KIFC3: variants seen among roughly 807,000 people sequenced by gnomAD.
The protein encoded by KIFC3 is kinesin family member C3, also known as kinesin-like protein KIFC3.
In KIFC3, 60 loss-of-function variants were observed where a neutral mutation model predicts 101.8. The ratio of observed to expected loss-of-function variants is 0.59; its 90% CI spans 0.48 to 0.73. The LOEUF is 0.73. KIFC3 is among the 30% of genes least tolerant of loss of function. The pLI is 0.00. For missense variants in KIFC3, 966 were observed against 1,137.1 expected (o/e 0.85, Z 2.16); for synonymous variants, 476 against 482.7 (o/e 0.99, Z 0.18).
At chr16:57,816,855 G>A (rs1475447358) in intron 1 of KIFC3, 1 of 422,572 alleles carries the variant, frequency 2.4e-6, no homozygotes, top group African/African-American at 2.1e-5. Flanking sequence ...AGGTTGGAGG[G>A]GTCTCCCTGT....
At chr16:57,776,761 G>C (rs1304820733) in intron 3 of KIFC3, 1 of 151,420 alleles carries the variant, frequency 6.6e-6, no homozygotes, top group Non-Finnish European at 1.5e-5. Flanking sequence ...GGTAAGCAGA[G>C]ACAGAAAGGG....
intron 12 of KIFC3, among the ~76,000 whole-genome samples, chr16:57,763,609 TCCA>T (rs1419744891): frequency 1.3e-5 from 2 of 152,062 alleles, no homozygotes; most frequent in Admixed American, 1.3e-4. Flanking sequence ...TGCCACCTGC[TCCA>T]CCACACCTGG....
intron 1 of KIFC3, among the ~76,000 whole-genome samples, chr16:57,827,083 C>A (rs573674768): frequency 1.6e-4 from 25 of 152,354 alleles, no homozygotes; most frequent in African/African-American, 6.0e-4. Flanking sequence ...TGACAAGAGT[C>A]ACTTCAGGAA....
At chr16:57,816,776 C>T (rs1568082199) in intron 1 of KIFC3, 1 of 455,204 alleles carries the variant, frequency 2.2e-6, no homozygotes, top group Non-Finnish European at 4.4e-6. Context: ...CCACCCCTTC[C>T]AGGCAGGAGC....
intron 3 of KIFC3, chr16:57,785,513 G>A: frequency 7.8e-7 from 1 of 1,289,272 alleles, no homozygotes; most frequent in Non-Finnish European, 1.0e-6. Flanking sequence ...GTCGCGGAGG[G>A]CCAGCCTCTC....
chr16:57,810,971 C>T (rs1555627735), intron 1 of KIFC3, among the ~76,000 whole-genome samples: 1 of 152,204 alleles, frequency 6.6e-6, no homozygotes, highest in Admixed American at 6.5e-5. Flanking sequence ...GGGTCTCATG[C>T]CCCTCCCTGG....
intron 1 of KIFC3, among the ~76,000 whole-genome samples, chr16:57,858,752 G>A (rs1263198103): frequency 6.6e-6 from 1 of 152,106 alleles, no homozygotes; most frequent in Admixed American, 6.6e-5. Context: ...GTCAAGACCA[G>A]CCTGGCCAAC....
chr16:57,800,599 A>C (rs1555625182), intron 1 of KIFC3, among the ~76,000 whole-genome samples: 1 of 152,212 alleles, frequency 6.6e-6, no homozygotes, highest in Non-Finnish European at 1.5e-5. Context: ...CAGGGAGATC[A>C]GCTCAGCTCA....
chr16:57,776,791 T>A (rs2052152990), intron 3 of KIFC3: 1 of 151,794 alleles, frequency 6.6e-6, no homozygotes, highest in Admixed American at 6.6e-5. Flanking sequence ...TGGAGCGTGC[T>A]AAAGGATGGT....
intron 1 of KIFC3, 68 bp from the exon 2 acceptor site, chr16:57,798,350 C>G: frequency 7.1e-7 from 1 of 1,410,086 alleles, no homozygotes; most frequent in Non-Finnish European, 9.7e-7. Context: ...TCGGGCAGAG[C>G]CAGCCATCTG....
intron 13 of KIFC3, among the ~76,000 whole-genome samples, 173 bp from the exon 14 acceptor site, chr16:57,761,709 A>C (rs986321008): frequency 1.3e-5 from 2 of 151,948 alleles, no homozygotes; most frequent in African/African-American, 4.8e-5. Context: ...GAAGACGTGG[A>C]GATCTCACTC....
chr16:57,801,067 C>T (rs1555625406), intron 1 of KIFC3, among the ~76,000 whole-genome samples: 1 of 152,246 alleles, frequency 6.6e-6, no homozygotes, highest in African/African-American at 2.4e-5. Flanking sequence ...CAGAACAATA[C>T]TGGCATATAC....
intron 1 of KIFC3, among the ~76,000 whole-genome samples, chr16:57,829,191 A>G (rs1555478777): frequency 6.6e-6 from 1 of 152,226 alleles, no homozygotes; most frequent in Non-Finnish European, 1.5e-5. Flanking sequence ...CTTTATACCA[A>G]TATAGCAGGA....
At chr16:57,792,392 C>T (rs1375578046) in intron 3 of KIFC3, among the ~76,000 whole-genome samples, 1 of 152,216 alleles carries the variant, frequency 6.6e-6, no homozygotes, top group Non-Finnish European at 1.5e-5. Context: ...CTAGCACAGA[C>T]TGGCACATTC....
chr16:57,774,660 C>A, intron 3 of KIFC3: 1 of 297,588 alleles, frequency 3.4e-6, no homozygotes, highest in Non-Finnish European at 6.1e-6. Context: ...GTAGCTGGGA[C>A]TACAAGCACA....
Position 57,760,532 on chromosome 16 carries a change from G to A in KIFC3, c.2233-116C>T. 3 of 1,277,648 alleles carry A rather than the reference G, an allele frequency of 2.3e-6. No individual in the cohort carries two copies. In the South Asian group the frequency reaches 4.0e-5, roughly 17 times the overall value. The allele number at this position is 1,277,648 out of a possible 1,614,324, so 79.1% of individuals were successfully genotyped here. ...GCTTCCTGGAGAGGCCTGAGGGATG[G>A]GGTGGGAGGGCAGGCAACATGGCAG... On this transcript the variant is annotated intron_variant, in intron 16 of 19. Coordinates refer to ENST00000445690, the MANE Select transcript of KIFC3 (RefSeq NM_001130100.2).
At position 57,764,223 on chromosome 16, in the gene KIFC3, C is replaced by A; in HGVS notation, c.1537G>T (p.Val513Phe). 6.2e-7 allele frequency: 1 copy of A among 1,611,408 alleles called. No homozygotes were observed. Among genetic ancestry groups the A allele is most frequent in the Non-Finnish European group, 8.5e-7 (1 of 1,179,280 alleles). The change falls in exon 12 of 20, where the codon GTC (valine) becomes TTC (phenylalanine). Residue 513 changes from valine (V) to phenylalanine (F), a missense_variant. Val to Phe is a conservative substitution (Grantham distance 50, BLOSUM62 -1). Coordinates refer to ENST00000445690, the MANE Select transcript of KIFC3 (RefSeq NM_001130100.2). ...QDVFQEVQAL[V>F]TSCIDGFNVC... is the part of the protein sequence containing the mutation. ...TTGAAGCCATCAATGCAAGAGGTGACCAGGGCCTGCACCTCCTGGAACACC... is the reference window on the plus strand; with the variant it reads ...TTGAAGCCATCAATGCAAGAGGTGAACAGGGCCTGCACCTCCTGGAACACC...
intron 1 of KIFC3, chr16:57,815,319 T>C: frequency 1.7e-6 from 1 of 602,428 alleles, no homozygotes. Context: ...TGTGCTCATT[T>C]GTAACCAGAG....
intron 2 of KIFC3, among the ~76,000 whole-genome samples, chr16:57,795,441 C>T (rs2054211041): frequency 6.6e-6 from 1 of 152,362 alleles, no homozygotes. Flanking sequence ...GGGCAGGCAT[C>T]TGCTCAGCAG....
Sources: gnomAD v4.1 joint callset for allele counts (sites outside exome capture counted in the v4.1 genomes callset) on GRCh38, gnomAD v4.1.1 for gene constraint, MANE v1.5 for transcripts, NCBI Gene and HGNC (gene_info 2026-07-23, HGNC 2026-07-21) for gene names.